The following SEPTIN6 variants were observed in gnomAD, a reference collection of about 807,000 sequenced individuals.
SEPTIN6 encodes the protein septin-6.
A neutral mutation model predicts 33.6 loss-of-function variants in SEPTIN6; 8 were observed. The observed-to-expected ratio is 0.24, with a 90% CI of 0.14 to 0.43. The LOEUF (loss-of-function observed/expected upper bound fraction) is 0.43, where lower values mean the gene tolerates loss of function less well. Ranked by LOEUF, SEPTIN6 falls within the 20% of genes least tolerant of loss-of-function variation. The pLI is 1.00. For missense variants in SEPTIN6, 250 were observed against 340.8 expected (o/e 0.73, Z 2.10); for synonymous variants, 131 against 140.0 (o/e 0.94, Z 0.45).
chrX:119,666,791 G>A (rs1486359848), intron 2 of SEPTIN6, among the ~76,000 whole-genome samples: 1 of 111,644 alleles, frequency 9.0e-6, no homozygotes, highest in Non-Finnish European at 1.9e-5. Context: ...TGGGTCCCAA[G>A]AAGAATTTTA....
chrX:119,642,191 A>AG (rs2147504489), intron 5 of SEPTIN6, among the ~76,000 whole-genome samples: 1 of 109,460 alleles, frequency 9.1e-6, no homozygotes, highest in African/African-American at 3.3e-5. Context: ...AAAAAAAAAA[A>AG]AAAAAAGAAA....
chrX:119,668,275 G>A (rs138740766), intron 2 of SEPTIN6, among the ~76,000 whole-genome samples: 1,173 of 110,298 alleles, frequency 0.011, 17 homozygotes, highest in African/African-American at 0.037. Context: ...CAGCCTGGGC[G>A]ACAGAGCGAG....
chrX:119,639,401 C>A (rs2054116795), intron 6 of SEPTIN6, among the ~76,000 whole-genome samples: 1 of 112,160 alleles, frequency 8.9e-6, no homozygotes, highest in Non-Finnish European at 1.9e-5. Context: ...AACTGACTAG[C>A]CCTGAGGGTA....
At chrX:119,657,854 G>A (rs768906372) in intron 3 of SEPTIN6, among the ~76,000 whole-genome samples, 268 of 111,977 alleles carry the variant, frequency 2.4e-3, no homozygotes, top group Non-Finnish European at 3.2e-3. Flanking sequence ...GACCGGGTGC[G>A]GTGGCTCACG....
chrX:119,650,692 C>T (rs1185056920), intron 4 of SEPTIN6, among the ~76,000 whole-genome samples: 1 of 111,357 alleles, frequency 9.0e-6, no homozygotes, highest in African/African-American at 3.3e-5. Context: ...TGAGAGATGG[C>T]AGGGAAAGGA....
chrX:119,653,319 T>C (rs754666239), intron 3 of SEPTIN6, among the ~76,000 whole-genome samples: 2 of 112,174 alleles, frequency 1.8e-5, no homozygotes, highest in African/African-American at 6.5e-5. Flanking sequence ...CTCAGCTTAA[T>C]GTCCTCCTCC....
intron 8 of SEPTIN6, 59 bp from the exon 9 acceptor site, chrX:119,629,567 C>T (rs1252093916): frequency 9.1e-6 from 10 of 1,098,175 alleles, no homozygotes; most frequent in Non-Finnish European, 1.1e-5. Flanking sequence ...CCCAGCCTGG[C>T]CAAGCCCAGG....
intron 1 of SEPTIN6, among the ~76,000 whole-genome samples, chrX:119,679,170 G>C (rs1438408531): frequency 9.0e-6 from 1 of 111,172 alleles, no homozygotes; most frequent in Non-Finnish European, 1.9e-5. Context: ...TTGAACTACT[G>C]ACCTCAGGTG....
intron 3 of SEPTIN6, among the ~76,000 whole-genome samples, chrX:119,654,357 T>TAGCTC (rs1477761988): frequency 9.0e-6 from 1 of 111,472 alleles, no homozygotes; most frequent in African/African-American, 3.3e-5. Flanking sequence ...TAGGTCAGCT[T>TAGCTC]AGCTCAGCTC....
chrX:119,683,283 A>G (rs1167563877), intron 1 of SEPTIN6, among the ~76,000 whole-genome samples: 1 of 111,639 alleles, frequency 9.0e-6, no homozygotes, highest in Non-Finnish European at 1.9e-5. Flanking sequence ...AACAACAAAA[A>G]TGCTAGGAAA....
intron 8 of SEPTIN6, among the ~76,000 whole-genome samples, chrX:119,630,818 G>A (rs374457691): frequency 4.6e-5 from 5 of 109,872 alleles, no homozygotes; most frequent in African/African-American, 1.3e-4. Flanking sequence ...ACTTGAACCC[G>A]GGAGGCGGAG....
chrX:119,638,580 T>G (rs901760257), intron 6 of SEPTIN6, among the ~76,000 whole-genome samples: 5 of 111,653 alleles, frequency 4.5e-5, no homozygotes, highest in Non-Finnish European at 9.4e-5. Context: ...CAGCCATAGT[T>G]GAAGCAGACT....
intron 1 of SEPTIN6, among the ~76,000 whole-genome samples, chrX:119,691,974 TC>T (rs1045165416): frequency 1.0e-4 from 11 of 110,471 alleles, no homozygotes; most frequent in African/African-American, 3.3e-4. Flanking sequence ...AGCTAGGGTG[TC>T]CCCCCCAAAT....
At chrX:119,620,088 T>G in intron 10 of SEPTIN6, 37 bp from the exon 11 acceptor site, 1 of 1,017,562 alleles carries the variant, frequency 9.8e-7, no homozygotes, top group Non-Finnish European at 1.3e-6. Flanking sequence ...AATGAATGGA[T>G]AGATTAATGT....
intron 1 of SEPTIN6, among the ~76,000 whole-genome samples, chrX:119,687,195 C>CTTTCCTTCTTTCCTTCTT (rs377588486): frequency 8.3e-5 from 9 of 108,440 alleles, no homozygotes; most frequent in African/African-American, 2.3e-4. Context: ...ATATCCATGG[C>CTTTCCTTCTTTCCTTCTT]TTTCCTTCTT....
rs2053716058 is a variant in SEPTIN6 at position 119,619,700 on chromosome X, AAACT to A, written c.*389_*392del. ...CATGGTGGTTGCAAATACCTCAGGG[AAACT>A]AACAGCAACCAGAACTGGAACAGGG... On this transcript the variant is annotated 3_prime_UTR_variant, in exon 11 of 11. Transcript: ENST00000394610. The A allele has an allele frequency of 3.2e-6, 3 of 930,499 alleles. No individual in the cohort carries two copies. Among genetic ancestry groups the A allele is most frequent in the Non-Finnish European group, 4.0e-6 (3 of 750,127 alleles). The allele number at this position is 930,499 out of a possible 1,213,427, so 76.7% of individuals were successfully genotyped here.
intron 1 of SEPTIN6, among the ~76,000 whole-genome samples, chrX:119,690,150 T>C (rs2055139430): frequency 8.9e-6 from 1 of 111,888 alleles, no homozygotes; most frequent in Non-Finnish European, 1.9e-5. Flanking sequence ...AATGGTGTTG[T>C]CACACCAAAC....
chrX:119,670,579 AGAAG>A (rs1335797969), intron 2 of SEPTIN6, among the ~76,000 whole-genome samples: 2 of 63,403 alleles, frequency 3.2e-5, no homozygotes, highest in African/African-American at 1.1e-4. Context: ...AAAAAAAAAA[AGAAG>A]AAGAAGAAGA....
chrX:119,667,889 C>T (rs181149668), intron 2 of SEPTIN6, among the ~76,000 whole-genome samples: 14 of 111,953 alleles, frequency 1.3e-4, no homozygotes, highest in African/African-American at 4.5e-4. Context: ...TTAACGCATG[C>T]TCCACCAGCC....
Sources: gnomAD v4.1 joint callset for allele counts (sites outside exome capture counted in the v4.1 genomes callset) on GRCh38, gnomAD v4.1.1 for gene constraint, MANE v1.5 for transcripts, NCBI Gene and HGNC (gene_info 2026-07-23, HGNC 2026-07-21) for gene names.